CUX2: variants seen among roughly 807,000 people sequenced by gnomAD.
The protein encoded by CUX2 is cut like homeobox 2, also known as homeobox protein cut-like 2.
CUX2 carries 40 observed loss-of-function variants against 144.8 expected under a neutral mutation model. That is an observed-to-expected ratio of 0.28 (90% confidence interval 0.21 to 0.36). The LOEUF (loss-of-function observed/expected upper bound fraction) is 0.36, where lower values mean the gene tolerates loss of function less well. CUX2 is among the 10% of genes least tolerant of loss of function. The pLI, the probability that CUX2 is intolerant of heterozygous loss-of-function variation, is 1.00. For synonymous variants in CUX2, 827 were observed against 875.6 expected, an observed-to-expected ratio of 0.94 and a Z score of 0.98; for missense variants, 1,615 against 1,994.0, an observed-to-expected ratio of 0.81 and a Z score of 3.62.
In CUX2 at chr12:111,263,942, G is replaced by A; in HGVS notation, c.301+103G>A. On this transcript the variant is annotated intron_variant, in intron 4 of 21. Coordinates refer to ENST00000261726, the MANE Select transcript of CUX2 (RefSeq NM_015267.4). The surrounding 1 kb of genome is among the most constrained non-coding windows in gnomAD (Gnocchi z 4.0). ...AGGTGGGATGTGGGGACATGCCTGG[G>A]CTCCTGGGTGAGGCCAGGCACTCTG... 9.0e-7 allele frequency: 1 copy of A among 1,110,914 alleles called. No individual in the cohort carries two copies. Among genetic ancestry groups the A allele is most frequent in the Non-Finnish European group, 1.4e-6 (1 of 731,152 alleles). The allele number at this position is 1,110,914 out of a possible 1,614,324, so 68.8% of individuals were successfully genotyped here.
chr12:111,164,954 G>A (rs534667222), intron 1 of CUX2, among the ~76,000 whole-genome samples: 2 of 152,136 alleles, frequency 1.3e-5, no homozygotes, highest in African/African-American at 4.8e-5. Context: ...GCCAGCCATG[G>A]GGGGGAGAGG....
At chr12:111,203,250 A>C (rs989551159) in intron 1 of CUX2, among the ~76,000 whole-genome samples, 43 of 151,500 alleles carry the variant, frequency 2.8e-4, no homozygotes, top group African/African-American at 1.0e-3. Context: ...AAAAAAAAAA[A>C]AAAATCAGTA....
chr12:111,146,609 G>A (rs539619908), intron 1 of CUX2, among the ~76,000 whole-genome samples: 1 of 131,510 alleles, frequency 7.6e-6, no homozygotes, highest in South Asian at 2.8e-4. Flanking sequence ...TTTTACAGAA[G>A]AGCAAGCAAA....
At chr12:111,216,719 A>G (rs1176755978) in intron 2 of CUX2, among the ~76,000 whole-genome samples, 3 of 152,120 alleles carry the variant, frequency 2.0e-5, no homozygotes, top group Non-Finnish European at 4.4e-5. Context: ...CCTCGCACCC[A>G]TGGCCCCTTA....
chr12:111,283,943 G>T (rs1885251842), intron 4 of CUX2, among the ~76,000 whole-genome samples: 1 of 152,158 alleles, frequency 6.6e-6, no homozygotes, highest in African/African-American at 2.4e-5. Flanking sequence ...GCCTGGCCGA[G>T]ACTTTGTCAG....
chr12:111,254,912 C>T (rs1392555042), intron 3 of CUX2, among the ~76,000 whole-genome samples: 2 of 152,148 alleles, frequency 1.3e-5, no homozygotes, highest in African/African-American at 4.8e-5. Flanking sequence ...TGCAGTGGCA[C>T]GATCTTGGCT....
At chr12:111,223,147 C>G (rs1565858541) in intron 3 of CUX2, among the ~76,000 whole-genome samples, 1 of 152,112 alleles carries the variant, frequency 6.6e-6, no homozygotes, top group Non-Finnish European at 1.5e-5. Flanking sequence ...ATGTCCCAGG[C>G]TCTGTGTGAG....
chr12:111,189,591 T>C (rs1423471064), intron 1 of CUX2, among the ~76,000 whole-genome samples: 1 of 152,232 alleles, frequency 6.6e-6, no homozygotes, highest in Non-Finnish European at 1.5e-5. Context: ...TTATCCATTC[T>C]CCTGTTAATG....
intron 1 of CUX2, among the ~76,000 whole-genome samples, chr12:111,173,697 A>C (rs966039546): frequency 2.0e-5 from 3 of 152,178 alleles, no homozygotes; most frequent in Non-Finnish European, 4.4e-5. Context: ...AACTTGGCTG[A>C]GGGGTAGGCC....
In CUX2 at chr12:111,043,085, T is replaced by C. The variant is rs759239782; in HGVS notation, c.63+8845T>C. On this transcript the variant is annotated intron_variant, in intron 1 of 21. Coordinates refer to ENST00000261726, the MANE Select transcript of CUX2 (RefSeq NM_015267.4). ...TCACCACTTACGGTATAAATAATTA[T>C]ATATAAAAAACAAATACAATAACTA... 2.6e-4 allele frequency among the ~76,000 whole-genome samples: 40 copies of C among 152,250 alleles called. No homozygotes were observed. In the Middle Eastern group the frequency reaches 0.014, roughly 52 times the overall value.
intron 1 of CUX2, among the ~76,000 whole-genome samples, chr12:111,185,681 G>GC (rs1234547768): frequency 1.3e-5 from 2 of 152,194 alleles, no homozygotes; most frequent in Non-Finnish European, 2.9e-5. Flanking sequence ...ACTCAGTGCA[G>GC]CCCCTGAGCC....
At chr12:111,052,242 T>G (rs1013728923) in intron 1 of CUX2, among the ~76,000 whole-genome samples, 1 of 152,168 alleles carries the variant, frequency 6.6e-6, no homozygotes, top group Non-Finnish European at 1.5e-5. Context: ...CCACCTTGTA[T>G]GGCCCCATGA....
At chr12:111,136,171 G>T (rs1159604773) in intron 1 of CUX2, among the ~76,000 whole-genome samples, 3 of 151,986 alleles carry the variant, frequency 2.0e-5, no homozygotes, top group African/African-American at 7.2e-5. Flanking sequence ...TGAGAAGGAT[G>T]CAGGAACATC....
At chr12:111,053,367 C>A (rs1210589376) in intron 1 of CUX2, among the ~76,000 whole-genome samples, 1 of 152,178 alleles carries the variant, frequency 6.6e-6, no homozygotes, top group Non-Finnish European at 1.5e-5. Context: ...ATCTCTGGGG[C>A]CATCCAAGGG....
intron 18 of CUX2, among the ~76,000 whole-genome samples, chr12:111,330,453 CT>C: frequency 6.6e-6 from 1 of 151,874 alleles, no homozygotes; most frequent in Non-Finnish European, 1.5e-5. Context: ...GACACGTTGT[CT>C]AACCTCTCTG....
intron 18 of CUX2, among the ~76,000 whole-genome samples, chr12:111,329,059 C>A (rs369553116): frequency 1.3e-4 from 18 of 142,826 alleles, no homozygotes; most frequent in African/African-American, 3.2e-4. Flanking sequence ...TCTCTCTCCC[C>A]CTCTGTTTGC....
At position 111,320,293 on chromosome 12, in the gene CUX2, C is replaced by T; in HGVS notation, c.2284C>T (p.Leu762=). ...CCCCGCGCAGGCGCCGCTCCCGGTC[C>T]TGTCCCCCGCCGCCTTCGTGCAGAG... ...GGPAQAPLPV[L]SPAAFVQSII... is the part of the protein sequence containing the mutation. The change falls in exon 17 of 22, where the codon CTG becomes TTG. Residue 762 remains leucine (L), a synonymous_variant. Transcript: ENST00000261726. The surrounding 1 kb of genome is among the most constrained non-coding windows in gnomAD (Gnocchi z 8.1). 1 of 1,597,204 alleles carries T rather than the reference C, an allele frequency of 6.3e-7. No individual in the cohort carries two copies. Among genetic ancestry groups the T allele is most frequent in the South Asian group, 1.1e-5 (1 of 90,954 alleles).
rs1886950371 is a variant in CUX2 at position 111,312,357 on chromosome 12, G to A, written c.2002+156G>A. On this transcript the variant is annotated intron_variant, in intron 16 of 21. Transcript: ENST00000261726. The surrounding 1 kb of genome is among the most constrained non-coding windows in gnomAD (Gnocchi z 4.3). Reference sequence around the variant, plus strand: ...ACCTGTCTAGAGCGCATGGGTAGCTGTGGCACTGCTCAGAACCCTGCCATG... The same window carrying A: ...ACCTGTCTAGAGCGCATGGGTAGCTATGGCACTGCTCAGAACCCTGCCATG... Among the ~76,000 whole-genome samples the A allele has an allele frequency of 6.6e-6, 1 of 152,196 alleles. No homozygotes were observed. Among genetic ancestry groups the A allele is most frequent in the Admixed American group, 6.5e-5 (1 of 15,278 alleles).
At position 111,246,422 on chromosome 12, in the gene CUX2, G is replaced by A. The variant is rs980893811; in HGVS notation, c.223-17339G>A. On this transcript the variant is annotated intron_variant, in intron 3 of 21. Transcript: ENST00000261726. The surrounding 1 kb of genome is among the most constrained non-coding windows in gnomAD (Gnocchi z 4.0). ...TTAATACATATAAAGCACTTAAAAC[G>A]GTGCCCAGCACACTGGCCACCCTCC... Among the ~76,000 whole-genome samples the A allele has an allele frequency of 7.9e-5, 12 of 152,028 alleles. No homozygotes were observed. The highest frequency in any genetic ancestry group is 2.7e-4 in the African/African-American group (11 of 41,386).
Sources: gnomAD v4.1 joint callset for allele counts (sites outside exome capture counted in the v4.1 genomes callset) on GRCh38, gnomAD v4.1.1 for gene constraint, Gnocchi (gnomAD v3.1) non-coding constraint, MANE v1.5 for transcripts, NCBI Gene and HGNC (gene_info 2026-07-23, HGNC 2026-07-21) for gene names.